XKR5: variants seen among roughly 807,000 people sequenced by gnomAD.
The protein encoded by XKR5 is XK-related protein 5.
A neutral mutation model predicts 40.8 loss-of-function variants in XKR5; 46 were observed. The observed-to-expected ratio is 1.13, with a 90% CI of 0.89 to 1.44. The LOEUF is 1.44. Among genes scored for constraint, XKR5 ranks in the 40% most tolerant of loss-of-function variants. The pLI, the probability that XKR5 is intolerant of heterozygous loss-of-function variation, is 0.00. For synonymous variants in XKR5, 466 were observed against 356.1 expected (o/e 1.31, Z -3.48); for missense variants, 1,169 against 844.7 (o/e 1.38, Z -4.76).
chr8:6,823,479 G>A (rs1425301446), intron 4 of XKR5, 42 bp downstream of exon 4: 1 of 1,543,462 alleles, frequency 6.5e-7, no homozygotes, highest in East Asian at 2.4e-5. Context: ...TGGGTTGATT[G>A]GTTATGCAGC....
intron 3 of XKR5, among the ~76,000 whole-genome samples, chr8:6,823,934 A>G (rs1804352812): frequency 6.6e-6 from 1 of 152,214 alleles, no homozygotes; most frequent in African/African-American, 2.4e-5. Flanking sequence ...TATATTCAGG[A>G]AGAAATGGGG....
chr8:6,834,551 G>C (rs1039279178), intron 1 of XKR5, among the ~76,000 whole-genome samples: 2 of 152,242 alleles, frequency 1.3e-5, no homozygotes, highest in African/African-American at 4.8e-5. Context: ...GGGGCGCGGA[G>C]CCAGGGCGCT....
At chr8:6,831,730 C>T (rs894566885) in intron 2 of XKR5, among the ~76,000 whole-genome samples, 2 of 152,026 alleles carry the variant, frequency 1.3e-5, no homozygotes. Flanking sequence ...AAAAAAAATC[C>T]TGTGGCCAGG....
rs1446455115 is a variant in XKR5, at chr8:6,832,815, C to T, written c.144G>A (p.Leu48=). Residue 48 remains leucine (L), a synonymous_variant, in exon 2 of 7, where the codon TTG becomes TTA. Transcript: ENST00000618742. ...LALAVLLPGF[L]VQALSYLWFR... is the part of the protein sequence containing the mutation. ...ACCACAGGTAGCTCAGGGCCTGGACCAAGAACCCGGGCAGGAGGACAGCAA... is the reference window on the plus strand; with the variant it reads ...ACCACAGGTAGCTCAGGGCCTGGACTAAGAACCCGGGCAGGAGGACAGCAA... The T allele has an allele frequency of 1.2e-6, 2 of 1,612,814 alleles. No homozygotes were observed. The highest frequency in any genetic ancestry group is 8.5e-7 in the Non-Finnish European group (1 of 1,179,476).
rs747130310 is a variant in XKR5, at chr8:6,808,778, C to G, written c.*2420G>C. On this transcript the variant is annotated 3_prime_UTR_variant, in exon 7 of 7. Transcript: ENST00000618742. The stretch of plus-strand genomic sequence containing the variant: ...TCTAGCTTTCCAGGCTATTCAAGGG[C>G]TAGAAAGTTTGAAAAGAATGAGCAA... The G allele has an allele frequency of 6.6e-6, 1 of 152,108 alleles. No individual in the cohort carries two copies. The highest frequency in any genetic ancestry group is 1.5e-5 in the Non-Finnish European group (1 of 68,036). The allele number at this position is 152,108 out of a possible 1,614,324, so 9.4% of individuals were successfully genotyped here.
Position 6,814,483 on chromosome 8 carries a change from G to A in XKR5, c.919+1324C>T, listed in dbSNP as rs559273485. 2.6e-5 allele frequency among the ~76,000 whole-genome samples: 4 copies of A among 152,252 alleles called. No individual in the cohort carries two copies. The South Asian group carries it at 8.3e-4, about 32-fold the overall frequency. On this transcript the variant is annotated intron_variant, in intron 6 of 6. Coordinates refer to ENST00000618742, the MANE Select transcript of XKR5 (RefSeq NM_207411.5). ...GCCAGGAGGGAAGGAGGTGGCAGGG[G>A]CGAGAGGAAGGGGGCCACATGAAGG... is the stretch of plus-strand genomic sequence containing the variant.
rs1307534818 is a variant in XKR5, at chr8:6,812,256, C to T, written c.1003G>A (p.Gly335Ser). Residue 335 changes from glycine (G) to serine (S), a missense_variant, in exon 7 of 7, where the codon GGC becomes AGC. Coordinates refer to ENST00000618742, the MANE Select transcript of XKR5 (RefSeq NM_207411.5). ...IWQGCLRKSC[G>S]IAGGDKTERR... Reference sequence around the variant, plus strand: ...TCTGTTTTATCACCTCCTGCAATGCCACAGGACTTCCTTAGGCAGCCCTGC... The same window carrying T: ...TCTGTTTTATCACCTCCTGCAATGCTACAGGACTTCCTTAGGCAGCCCTGC... The T allele has an allele frequency of 5.8e-6, 9 of 1,553,460 alleles. No homozygotes were observed. In the East Asian group the frequency reaches 1.9e-4, roughly 34 times the overall value.
At chr8:6,815,237 C>T (rs924573079) in intron 6 of XKR5, among the ~76,000 whole-genome samples, 6 of 152,186 alleles carry the variant, frequency 3.9e-5, no homozygotes, top group African/African-American at 1.4e-4. Flanking sequence ...GAGGTCATCA[C>T]CGTGGGTGTG....
At position 6,810,154 on chromosome 8, in the gene XKR5, C is replaced by T. The variant is rs1803616511; in HGVS notation, c.*1044G>A. ...ATGAAACAAAACAAAACAAAAATACCCATCCCTAAATAGCATCCAGCTCTC... is the reference window on the plus strand; with the variant it reads ...ATGAAACAAAACAAAACAAAAATACTCATCCCTAAATAGCATCCAGCTCTC... On this transcript the variant is annotated 3_prime_UTR_variant, in exon 7 of 7. Transcript: ENST00000618742. 6.6e-6 allele frequency: 1 copy of T among 151,940 alleles called. No individual in the cohort carries two copies. The highest frequency in any genetic ancestry group is 2.1e-4 in the South Asian group (1 of 4,800). 9.4% of individuals were successfully genotyped at this position (151,940 alleles called of 1,614,324 possible).
rs1255344073 is a variant in XKR5 at position 6,811,639 on chromosome 8, G to C, written c.1620C>G (p.Ser540=). The stretch of plus-strand genomic sequence containing the variant: ...CTGCAGTGGCGCTGAAGTACAACGT[G>C]GAACTCTGCTGTCCTTCCCCTCCTC... The part of the protein sequence containing the change: ...QQRGGEGQQS[S]TLYFSATAEV... The change falls in exon 7 of 7, where the codon TCC becomes TCG. Residue 540 remains serine, a synonymous_variant. Coordinates refer to ENST00000618742, the MANE Select transcript of XKR5 (RefSeq NM_207411.5). 4 of 1,537,508 alleles carry C rather than the reference G, an allele frequency of 2.6e-6. No individual in the cohort carries two copies. Among genetic ancestry groups the C allele is most frequent in the Non-Finnish European group, 3.5e-6 (4 of 1,146,986 alleles).
chr8:6,811,656 C>T lies in XKR5; in HGVS notation c.1603G>A (p.Glu535Lys). The change falls in exon 7 of 7, where the codon GAA becomes AAA. Residue 535 changes from glutamate to lysine, a missense_variant. By Grantham distance (56) the Glu-to-Lys change is moderately conservative. Transcript: ENST00000618742. ...TACAACGTGGAACTCTGCTGTCCTT[C>T]CCCTCCTCTCTGCTGCCCACCTGTC... ...KGTGGQQRGG[E>K]GQQSSTLYFS... 1 of 1,537,646 alleles carries T rather than the reference C, an allele frequency of 6.5e-7. No individual in the cohort carries two copies. Among genetic ancestry groups the T allele is most frequent in the East Asian group, 2.4e-5 (1 of 40,922 alleles).
chr8:6,824,000 G>T (rs1481938069), intron 3 of XKR5, among the ~76,000 whole-genome samples: 1 of 152,160 alleles, frequency 6.6e-6, no homozygotes, highest in Non-Finnish European at 1.5e-5. Context: ...CCAGCAAATG[G>T]GCTGGACTCT....
chr8:6,835,320 G>T, intron 1 of XKR5, 116 bp downstream of exon 1: 1 of 1,104,382 alleles, frequency 9.1e-7, no homozygotes, highest in Non-Finnish European at 1.2e-6. Flanking sequence ...GGCGCGCAGT[G>T]CTGGGCGCAG....
chr8:6,817,851 G>A (rs2117088900), intron 5 of XKR5, among the ~76,000 whole-genome samples: 1 of 152,274 alleles, frequency 6.6e-6, no homozygotes, highest in East Asian at 1.9e-4. Context: ...ACTGACTCCT[G>A]CCTCCTGTCA....
intron 5 of XKR5, among the ~76,000 whole-genome samples, chr8:6,816,646 T>C (rs922636950): frequency 6.8e-6 from 1 of 147,570 alleles, no homozygotes; most frequent in Non-Finnish European, 1.5e-5. Flanking sequence ...TTAATATATA[T>C]TTTAATTTAT....
chr8:6,819,851 C>G (rs1804149654), intron 5 of XKR5, among the ~76,000 whole-genome samples: 1 of 147,252 alleles, frequency 6.8e-6, no homozygotes, highest in African/African-American at 2.5e-5. Flanking sequence ...CCCTACCTTC[C>G]TTTCCTTCCT....
Position 6,832,892 on chromosome 8 carries a change from T to C in XKR5, c.67A>G (p.Thr23Ala). 1 of 1,584,938 alleles carries C rather than the reference T, an allele frequency of 6.3e-7. No homozygotes were observed. Among genetic ancestry groups the C allele is most frequent in the Non-Finnish European group, 8.6e-7 (1 of 1,167,382 alleles). The change falls in exon 2 of 7, where the codon ACC becomes GCC. Residue 23 changes from threonine to alanine, a missense_variant. Transcript: ENST00000618742. ...QAAEQSARLYTVAYYFTTGRL... is the reference protein window; with the variant it reads ...QAAEQSARLYAVAYYFTTGRL... ...CCTGTGGTGAAGTAGTAAGCCACGG[T>C]GTAAAGGCCTGGGTGAGAAGGGGAA...
intron 3 of XKR5, 51 bp from the exon 4 acceptor site, chr8:6,823,781 A>G: frequency 1.4e-6 from 2 of 1,445,130 alleles, no homozygotes; most frequent in South Asian, 1.2e-5. Flanking sequence ...CCGAAGTAAC[A>G]GTACCTTGTG....
At chr8:6,834,802 T>C (rs1804936565) in intron 1 of XKR5, among the ~76,000 whole-genome samples, 1 of 150,154 alleles carries the variant, frequency 6.7e-6, no homozygotes. Context: ...AATGGGGCCA[T>C]CTTGCTCCGC....
Sources: gnomAD v4.1 joint callset for allele counts (sites outside exome capture counted in the v4.1 genomes callset) on GRCh38, gnomAD v4.1.1 for gene constraint, MANE v1.5 for transcripts, NCBI Gene and HGNC (gene_info 2026-07-23, HGNC 2026-07-21) for gene names.